Variants in FAM20C observed in about 807,000 individuals in gnomAD.
FAM20C encodes the protein extracellular serine/threonine protein kinase FAM20C.
Under a neutral mutation model 51.5 loss-of-function variants are expected in FAM20C, and 40 were observed. That is an observed-to-expected ratio of 0.78 (90% confidence interval 0.60 to 1.01). The LOEUF is 1.01. FAM20C is among the 50% of genes least tolerant of loss of function. The pLI, the probability that FAM20C is intolerant of heterozygous loss-of-function variation, is 0.00. For missense variants in FAM20C, 861 were observed against 844.7 expected, an observed-to-expected ratio of 1.02 and a Z score of -0.24; for synonymous variants, 406 against 380.6, an observed-to-expected ratio of 1.07 and a Z score of -0.78.
At chr7:209,015 G>A in intron 3 of FAM20C, 39 bp downstream of exon 3, 2 of 1,553,530 alleles carry the variant, frequency 1.3e-6, no homozygotes, top group Middle Eastern at 1.7e-4. Context: ...GTGAGGAGCT[G>A]GAGCTGCAGG....
chr7:255,457 A>C (rs953667795), intron 5 of FAM20C, among the ~76,000 whole-genome samples: 1 of 152,158 alleles, frequency 6.6e-6, no homozygotes, highest in Non-Finnish European at 1.5e-5. Context: ...AGAGTTCTTC[A>C]TACACTCTAA....
chr7:248,716 T>G (rs1354048496), intron 5 of FAM20C, among the ~76,000 whole-genome samples: 1 of 129,482 alleles, frequency 7.7e-6, no homozygotes, highest in Non-Finnish European at 1.6e-5. Flanking sequence ...CATTCATCTC[T>G]CCAGGTAGCC....
At chr7:198,614 C>T (rs1042101225) in intron 2 of FAM20C, among the ~76,000 whole-genome samples, 6 of 152,208 alleles carry the variant, frequency 3.9e-5, no homozygotes, top group Non-Finnish European at 8.8e-5. Flanking sequence ...TGATCCACAC[C>T]ATGCACCACG....
chr7:201,487 G>T (rs1326102022), intron 2 of FAM20C, among the ~76,000 whole-genome samples: 2 of 152,188 alleles, frequency 1.3e-5, no homozygotes, highest in African/African-American at 4.8e-5. Context: ...ACCCTGCGGG[G>T]TGTTGGGACC....
intron 3 of FAM20C, among the ~76,000 whole-genome samples, chr7:232,054 G>T (rs901953392): frequency 6.6e-6 from 1 of 152,220 alleles, no homozygotes; most frequent in Non-Finnish European, 1.5e-5. Flanking sequence ...TGTGGGACAC[G>T]CTGAGCCGGG....
In FAM20C at chr7:199,306, C is replaced by T. The variant is rs58698542; in HGVS notation, c.784+3574C>T. 4.0e-3 allele frequency among the ~76,000 whole-genome samples: 616 copies of T among 152,360 alleles called. 5 individuals are homozygous for T. Among genetic ancestry groups the T allele is most frequent in the Middle Eastern group, 6.8e-3 (2 of 294 alleles). ...CAAGCCAATCAGGCAGGTTTAGAGC[C>T]TGGTGCCCCTAGACAGGTCCTGCAA... is the stretch of plus-strand genomic sequence containing the variant. On this transcript the variant is annotated intron_variant, in intron 2 of 9. Coordinates refer to ENST00000313766, the MANE Select transcript of FAM20C (RefSeq NM_020223.4).
At chr7:227,209 C>T (rs1453793882) in intron 3 of FAM20C, among the ~76,000 whole-genome samples, 2 of 151,830 alleles carry the variant, frequency 1.3e-5, no homozygotes, top group African/African-American at 2.4e-5. Flanking sequence ...GCCGGGGTGC[C>T]GCTAGTGTGT....
At chr7:194,782 CCG>C (rs1785768304) in intron 1 of FAM20C, among the ~76,000 whole-genome samples, 1 of 145,492 alleles carries the variant, frequency 6.9e-6, no homozygotes, top group Non-Finnish European at 1.5e-5. Context: ...GCCCCCCACC[CCG>C]CCCCCGTGTC....
intron 3 of FAM20C, among the ~76,000 whole-genome samples, chr7:242,617 A>T (rs1583325574): frequency 6.6e-6 from 1 of 152,098 alleles, no homozygotes; most frequent in African/African-American, 2.4e-5. Context: ...AGGCCTCAGA[A>T]GGCCCCATTC....
At chr7:227,653 C>T (rs930582843) in intron 3 of FAM20C, 2 of 152,182 alleles carry the variant, frequency 1.3e-5, no homozygotes, top group East Asian at 3.9e-4. Flanking sequence ...TTCAGGCTAC[C>T]GGGGAGCCCG....
intron 8 of FAM20C, among the ~76,000 whole-genome samples, chr7:257,849 TGCCTGGGGTGCTG>T (rs1464104845): frequency 8.3e-6 from 1 of 120,202 alleles, no homozygotes; most frequent in African/African-American, 3.4e-5. Flanking sequence ...GTGGACCCAC[TGCCTGGGGTGCTG>T]GAGATGGGGC....
chr7:228,971 G>C (rs893629167), intron 3 of FAM20C: 4 of 381,950 alleles, frequency 1.0e-5, no homozygotes, highest in African/African-American at 4.2e-5. Flanking sequence ...ATCACAGCCA[G>C]GGTGAGTAGC....
rs150231592 is a variant in FAM20C at position 259,877 on chromosome 7, G to T, written c.1652G>T (p.Arg551Leu). 31 of 1,536,160 alleles carry T rather than the reference G, an allele frequency of 2.0e-5. No individual in the cohort carries two copies. Among genetic ancestry groups the T allele is most frequent in the Non-Finnish European group, 2.6e-5 (30 of 1,146,706 alleles). Residue 551 changes from arginine to leucine, a missense_variant, in exon 10 of 10, where the codon CGC becomes CTC. By Grantham distance (102) the Arg-to-Leu change is moderately radical. Around this residue, in one of 3 missense-constraint regions of FAM20C, gnomAD observed 269 missense variants for 283.8 expected, o/e 0.95. Coordinates refer to ENST00000313766, the MANE Select transcript of FAM20C (RefSeq NM_020223.4). ...PHLEALDRRL[R>L]VVLKAVRDCV... is the part of the protein sequence containing the mutation. ...CTGGAGGCCCTGGACCGGCGGCTCC[G>T]CGTCGTGCTAAAGGCCGTCCGGGAC...
intron 3 of FAM20C, among the ~76,000 whole-genome samples, chr7:241,283 C>G (rs953288534): frequency 6.6e-6 from 1 of 152,124 alleles, no homozygotes; most frequent in Non-Finnish European, 1.5e-5. Flanking sequence ...GCCCTCTGCC[C>G]GGGAGCAGAA....
intron 5 of FAM20C, among the ~76,000 whole-genome samples, chr7:251,275 T>A (rs1171255534): frequency 1.6e-5 from 1 of 64,004 alleles, no homozygotes. Context: ...CTCACACGCC[T>A]GCAATCCCAG....
At chr7:250,041 C>G (rs1484447243) in intron 5 of FAM20C, among the ~76,000 whole-genome samples, 1 of 152,224 alleles carries the variant, frequency 6.6e-6, no homozygotes, top group Admixed American at 6.5e-5. Flanking sequence ...ATCGGAGGCT[C>G]TCACTGTAGG....
chr7:218,836 G>A (rs1039962230), intron 3 of FAM20C, among the ~76,000 whole-genome samples: 10 of 144,780 alleles, frequency 6.9e-5, no homozygotes, highest in African/African-American at 1.0e-4. Flanking sequence ...CGGTCCGGCC[G>A]GGAGCTGACA....
intron 5 of FAM20C, among the ~76,000 whole-genome samples, chr7:250,508 T>G (rs1788354457): frequency 6.6e-6 from 1 of 152,188 alleles, no homozygotes; most frequent in Admixed American, 6.5e-5. Context: ...ACACCTCCAG[T>G]GATGGGGAAC....
intron 3 of FAM20C, among the ~76,000 whole-genome samples, chr7:245,096 G>A (rs1037425608): frequency 2.6e-5 from 4 of 152,232 alleles, no homozygotes; most frequent in African/African-American, 9.6e-5. Flanking sequence ...CCCGTGGCAG[G>A]GCCAGGATGC....
Sources: gnomAD v4.1 joint callset for allele counts (sites outside exome capture counted in the v4.1 genomes callset) on GRCh38, gnomAD v4.1.1 for gene constraint, gnomAD v4.1.1 regional missense constraint, MANE v1.5 for transcripts, NCBI Gene and HGNC (gene_info 2026-07-23, HGNC 2026-07-21) for gene names.